OFD1: variants seen among roughly 807,000 people sequenced by gnomAD.
OFD1 encodes OFD1 centriole and centriolar satellite protein, also known as centriole and centriolar satellite protein OFD1.
OFD1 carries 12 observed loss-of-function variants against 81.4 expected under a neutral mutation model. That is an observed-to-expected ratio of 0.15 (90% confidence interval 0.09 to 0.24). The LOEUF (loss-of-function observed/expected upper bound fraction) is 0.24. Ranked by LOEUF, OFD1 falls within the 10% of genes least tolerant of loss-of-function variation. The pLI, the probability that OFD1 is intolerant of heterozygous loss-of-function variation, is 1.00. For synonymous variants in OFD1, 256 were observed against 263.7 expected (o/e 0.97, Z 0.28); for missense variants, 685 against 733.9 (o/e 0.93, Z 0.77).
At chrX:13,752,669 T>G in intron 10 of OFD1, 1 of 965,865 alleles carries the variant, frequency 1.0e-6, no homozygotes, top group Non-Finnish European at 1.3e-6. Flanking sequence ...TACATAGTTA[T>G]GGAGCTAGTG....
At chrX:13,735,416 C>A in intron 2 of OFD1, 70 bp downstream of exon 2, 2 of 813,095 alleles carry the variant, frequency 2.5e-6, no homozygotes, top group South Asian at 2.1e-5. Context: ...CAAATTCAAT[C>A]AAGGTTTAGG....
rs375772480 is a variant in OFD1, at chrX:13,758,353, A to G, written c.1559A>G (p.Gln520Arg). The G allele has an allele frequency of 1.2e-5, 14 of 1,196,544 alleles. No individual in the cohort carries two copies. The African/African-American group carries it at 2.5e-4, about 21-fold the overall frequency. ...TCTTTTCAGATTGAGCATTCTGCAC[A>G]GCTGAAGGCCCAGATTCTAGGTTAC... is the stretch of plus-strand genomic sequence containing the variant. Reference protein sequence around the residue: ...QLQDEIEHSAQLKAQILGYKA... With the variant: ...QLQDEIEHSARLKAQILGYKA... The change falls in exon 15 of 23, where the codon CAG becomes CGG. Residue 520 changes from glutamine to arginine, a missense_variant. This residue lies in a region of OFD1 where 414 missense variants were observed against 447.2 expected (regional missense o/e 0.93). Coordinates refer to ENST00000340096, the MANE Select transcript of OFD1 (RefSeq NM_003611.3).
intron 8 of OFD1, among the ~76,000 whole-genome samples, chrX:13,747,548 G>T (rs529067305): frequency 4.5e-5 from 5 of 111,947 alleles, no homozygotes; most frequent in East Asian, 2.8e-4. Flanking sequence ...AGATTCTGGG[G>T]CTCTCTTGGG....
At chrX:13,745,436 C>T (rs1289530553) in intron 6 of OFD1, among the ~76,000 whole-genome samples, 1 of 112,162 alleles carries the variant, frequency 8.9e-6, no homozygotes, top group Non-Finnish European at 1.9e-5. Flanking sequence ...TTTGCACTGT[C>T]TTTGAAATCT....
chrX:13,767,379 A>G, intron 20 of OFD1, 95 bp downstream of exon 20: 2 of 938,235 alleles, frequency 2.1e-6, no homozygotes, highest in Non-Finnish European at 1.5e-6. Context: ...TTGGTGTACA[A>G]AGTCAGAGGT....
downstream of OFD1, chrX:13,773,356 T>A (rs2074856375): frequency 6.1e-6 from 1 of 163,258 alleles, no homozygotes; most frequent in Non-Finnish European, 1.1e-5. Flanking sequence ...TTTTAAAGAC[T>A]AATGCGAAAG....
chrX:13,727,699 C>T, the OFD1 span, among the ~76,000 whole-genome samples: 1 of 111,642 alleles, frequency 9.0e-6, no homozygotes, highest in Non-Finnish European at 1.9e-5. Flanking sequence ...ACTAGAGAAG[C>T]AAGAGCAAAC....
chrX:13,769,330 A>G lies in OFD1; in HGVS notation c.*222A>G, dbSNP rs1457716059. 5 of 392,766 alleles carry G rather than the reference A, an allele frequency of 1.3e-5. No homozygotes were observed. The East Asian group carries it at 2.1e-4, about 17-fold the overall frequency. 32.4% of individuals were successfully genotyped at this position (392,766 alleles called of 1,213,427 possible). ...CCAGTCATAGTATTTCTCATTCATT[A>G]TAATAAAAGTAACTGGCTTTTAACC... On this transcript the variant is annotated 3_prime_UTR_variant, in exon 23 of 23. Transcript: ENST00000340096.
At chrX:13,759,974 G>A (rs1318295414) in intron 15 of OFD1, 141 bp from the exon 16 acceptor site, 9 of 720,599 alleles carry the variant, frequency 1.2e-5, no homozygotes, top group African/African-American at 6.4e-5. Context: ...AGTGGTTATC[G>A]TTACCATGGC....
At chrX:13,752,773 T>C (rs934805207) in intron 10 of OFD1, 1 of 970,011 alleles carries the variant, frequency 1.0e-6, no homozygotes, top group Non-Finnish European at 1.3e-6. Flanking sequence ...TGTTGGAGTT[T>C]GGAGGCTCTT....
chrX:13,772,915 G>A (rs368082747), downstream of OFD1: 6 of 1,208,970 alleles, frequency 5.0e-6, no homozygotes, highest in Non-Finnish European at 1.1e-6. Flanking sequence ...TTTTGACCGA[G>A]ACTGGATATC....
intron 10 of OFD1, 81 bp from the exon 11 acceptor site, chrX:13,753,287 C>T (rs1003343018): frequency 3.3e-6 from 4 of 1,200,756 alleles, no homozygotes; most frequent in Middle Eastern, 3.2e-4. Flanking sequence ...TGCTCCTGTG[C>T]CATAGATAAG....
At chrX:13,722,953 C>T in the OFD1 span, among the ~76,000 whole-genome samples, 124 of 110,199 alleles carry the variant, frequency 1.1e-3, no homozygotes, top group South Asian at 0.021. Flanking sequence ...GTCCCAGCTA[C>T]TCGGGAGGCT....
chrX:13,773,357 A>C (rs2048338249), downstream of OFD1: 1 of 164,174 alleles, frequency 6.1e-6, no homozygotes, highest in Non-Finnish European at 1.1e-5. Context: ...TTTAAAGACT[A>C]ATGCGAAAGT....
At chrX:13,766,344 C>CAA (rs780125155) in intron 19 of OFD1, among the ~76,000 whole-genome samples, 5 of 111,376 alleles carry the variant, frequency 4.5e-5, no homozygotes, top group African/African-American at 1.6e-4. Context: ...CTGTTGCAGC[C>CAA]ACAGGACAGG....
At chrX:13,756,422 C>T (rs2047714971) in intron 12 of OFD1, among the ~76,000 whole-genome samples, 156 bp from the exon 13 acceptor site, 1 of 111,886 alleles carries the variant, frequency 8.9e-6, no homozygotes. Context: ...AGATAATTTT[C>T]GTTATTGTAG....
chrX:13,765,053 A>G (rs1312476998), intron 19 of OFD1, among the ~76,000 whole-genome samples: 1 of 112,494 alleles, frequency 8.9e-6, no homozygotes, highest in East Asian at 2.8e-4. Context: ...TCAACTGAGT[A>G]ACTAGGTGTT....
At chrX:13,744,826 C>G (rs1289934155) in intron 6 of OFD1, among the ~76,000 whole-genome samples, 3 of 112,500 alleles carry the variant, frequency 2.7e-5, no homozygotes, top group Non-Finnish European at 5.6e-5. Context: ...TCTTGTCTAA[C>G]TTTACAGCCA....
intron 3 of OFD1, among the ~76,000 whole-genome samples, chrX:13,737,377 GTT>G (rs34938110): frequency 3.1e-4 from 30 of 97,711 alleles, no homozygotes; most frequent in East Asian, 9.4e-4. Flanking sequence ...ATATGTGCGT[GTT>G]TTTTTTTTTT....
Sources: allele counts gnomAD v4.1 joint callset (sites outside exome capture counted in the v4.1 genomes callset), GRCh38; gene constraint gnomAD v4.1.1; regional missense constraint gnomAD v4.1.1; transcripts MANE v1.5; gene names NCBI Gene and HGNC (gene_info 2026-07-23, HGNC 2026-07-21).